SORL1: variants seen among roughly 807,000 people sequenced by gnomAD.
The protein encoded by SORL1 is sortilin-related receptor.
In SORL1, 127 loss-of-function variants were observed where a neutral mutation model predicts 273.7. The observed-to-expected ratio is 0.46, with a 90% confidence interval of 0.40 to 0.54. The LOEUF (loss-of-function observed/expected upper bound fraction) is 0.54. SORL1 is among the 20% of genes least tolerant of loss of function. The probability of loss-of-function intolerance (pLI) is 0.00; values close to 1 mark genes in which losing one functional copy is unlikely to be tolerated. For synonymous variants in SORL1, 1,031 were observed against 1,067.4 expected, an observed-to-expected ratio of 0.97 and a Z score of 0.66; for missense variants, 2,494 against 2,846.1, an observed-to-expected ratio of 0.88 and a Z score of 2.81.
chr11:121,455,311 T>A (rs1273675459), intron 1 of SORL1, among the ~76,000 whole-genome samples: 1 of 152,038 alleles, frequency 6.6e-6, no homozygotes, highest in Non-Finnish European at 1.5e-5. Flanking sequence ...TAAGGGGTGG[T>A]GGGCTCAGAC....
At position 121,487,472 on chromosome 11, in the gene SORL1, A is replaced by G. The variant is rs73593174; in HGVS notation, c.529-560A>G. ...GCCCCAGAGTGAGCCTGCCAGCCACAGTGGCAGCCTGGTCCCCAGAGCTGC... is the reference window on the plus strand; with the variant it reads ...GCCCCAGAGTGAGCCTGCCAGCCACGGTGGCAGCCTGGTCCCCAGAGCTGC... On this transcript the variant is annotated intron_variant, in intron 3 of 47. Coordinates refer to ENST00000260197, the MANE Select transcript of SORL1 (RefSeq NM_003105.6). 6.4e-3 allele frequency among the ~76,000 whole-genome samples: 971 copies of G among 152,344 alleles called. 9 individuals carry two copies. The highest frequency in any genetic ancestry group is 0.022 in the African/African-American group (926 of 41,592).
chr11:121,475,175 G>A (rs898842668), intron 2 of SORL1, among the ~76,000 whole-genome samples: 19 of 152,170 alleles, frequency 1.2e-4, no homozygotes, highest in Non-Finnish European at 2.5e-4. Flanking sequence ...TTGAACCTGG[G>A]AAGATTGCTT....
In SORL1 at chr11:121,595,793, T is replaced by C. The variant is rs1444125053; in HGVS notation, c.4519+21T>C. ...TTGCCGTGAGTAGTCAGAGAGCCCT[T>C]CACCCCCTGGGCACGTTTCTGCAGA... On this transcript the variant is annotated intron_variant, in intron 32 of 47. Transcript: ENST00000260197. The surrounding 1 kb of genome is among the most constrained non-coding windows in gnomAD (Gnocchi z 5.1). 1 of 1,608,380 alleles carries C rather than the reference T, an allele frequency of 6.2e-7. No homozygotes were observed. The highest frequency in any genetic ancestry group is 8.5e-7 in the Non-Finnish European group (1 of 1,179,426).
At chr11:121,584,410 C>T (rs1326552637) in intron 26 of SORL1, among the ~76,000 whole-genome samples, 1 of 152,144 alleles carries the variant, frequency 6.6e-6, no homozygotes. Context: ...TGACATTAAC[C>T]ATTTCTCCAA....
intron 6 of SORL1, among the ~76,000 whole-genome samples, chr11:121,509,547 G>A (rs1861842958): frequency 6.6e-6 from 1 of 152,080 alleles, no homozygotes; most frequent in African/African-American, 2.4e-5. Context: ...CATGATCTCG[G>A]CTCACCGCAA....
chr11:121,591,149 C>T lies in SORL1; in HGVS notation c.4362C>T (p.Pro1454=). Residue 1454 remains proline (P), a synonymous_variant, in exon 31 of 48, where the codon CCC becomes CCT. Coordinates refer to ENST00000260197, the MANE Select transcript of SORL1 (RefSeq NM_003105.6). The part of the protein sequence containing the change: ...CADGSDEEAC[P]LLANVTAAST... The stretch of plus-strand genomic sequence containing the variant: ...ATGGCTCTGACGAGGAAGCCTGCCC[C>T]TTGCTTGGTGAGTTCTGGCCCAGGT... 1 of 1,614,126 alleles carries T rather than the reference C, an allele frequency of 6.2e-7. No individual in the cohort carries two copies. The highest frequency in any genetic ancestry group is 1.1e-5 in the South Asian group (1 of 91,062).
intron 11 of SORL1, 26 bp from the exon 12 acceptor site, chr11:121,532,436 GGT>G: frequency 6.2e-7 from 1 of 1,603,260 alleles, no homozygotes; most frequent in Non-Finnish European, 8.5e-7. Context: ...CCACAGCAGT[GGT>G]GTCACCATGG....
chr11:121,520,938 A>T, intron 9 of SORL1, 89 bp downstream of exon 9: 2 of 831,918 alleles, frequency 2.4e-6, no homozygotes, highest in African/African-American at 1.7e-5. Context: ...ATTTATTGAA[A>T]AAATACAAGA....
intron 24 of SORL1, 39 bp downstream of exon 24, chr11:121,574,402 G>T (rs1386427655): frequency 1.2e-6 from 2 of 1,602,352 alleles, no homozygotes; most frequent in Non-Finnish European, 1.7e-6. Context: ...GCTCTGGAGA[G>T]GGGGGTCATT....
chr11:121,588,813 C>T (rs1792122), intron 28 of SORL1, among the ~76,000 whole-genome samples: 67,057 of 152,032 alleles, frequency 0.44, 18,050 homozygotes, highest in Non-Finnish European at 0.62. Flanking sequence ...GCCTCATAGA[C>T]GGCTGCCTGG....
intron 8 of SORL1, 83 bp downstream of exon 8, chr11:121,514,404 T>C (rs539488772): frequency 3.0e-6 from 4 of 1,350,602 alleles, no homozygotes; most frequent in Non-Finnish European, 4.0e-6. Context: ...TTTTCAACAT[T>C]AGCTGCCCAT....
chr11:121,552,659 C>T (rs1050659395), intron 16 of SORL1, among the ~76,000 whole-genome samples: 2 of 152,072 alleles, frequency 1.3e-5, no homozygotes, highest in Admixed American at 6.5e-5. Context: ...TCTAAAGTGA[C>T]CTGGAACCAA....
chr11:121,503,078 C>T (rs933257476), intron 6 of SORL1, among the ~76,000 whole-genome samples: 1 of 152,096 alleles, frequency 6.6e-6, no homozygotes, highest in African/African-American at 2.4e-5. Flanking sequence ...TCATGTTGCC[C>T]AGGCTGGTCT....
intron 1 of SORL1, among the ~76,000 whole-genome samples, chr11:121,465,859 G>C (rs1258753352): frequency 1.3e-5 from 2 of 152,128 alleles, no homozygotes; most frequent in South Asian, 2.1e-4. Context: ...TGATTCCTGG[G>C]CTCCAGGCAG....
rs757953032 is a variant in SORL1, at chr11:121,522,620, G to C, written c.1439G>C (p.Arg480Pro). The stretch of plus-strand genomic sequence containing the variant: ...GGCTGTTCCCTTCATCTGGCTCAGC[G>C]CCTCAGTCAGCTCCTCAACCTCCAG... ...SQGCSLHLAQ[R>P]LSQLLNLQLR... Residue 480 changes from arginine to proline, a missense_variant, in exon 10 of 48, where the codon CGC becomes CCC. Physicochemically the swap from Arg to Pro is moderately radical, Grantham distance 103. Around this residue, in one of 3 missense-constraint regions of SORL1, gnomAD observed 710 missense variants for 882.5 expected, o/e 0.80. Transcript: ENST00000260197. 1.2e-6 allele frequency: 2 copies of C among 1,614,186 alleles called. No individual in the cohort carries two copies. Among genetic ancestry groups the C allele is most frequent in the Non-Finnish European group, 1.7e-6 (2 of 1,180,008 alleles).
intron 2 of SORL1, among the ~76,000 whole-genome samples, chr11:121,474,830 C>T (rs1036355799): frequency 6.6e-6 from 1 of 152,248 alleles, no homozygotes; most frequent in Non-Finnish European, 1.5e-5. Context: ...GCCACCAATC[C>T]GCTTGAGCTA....
intron 27 of SORL1, among the ~76,000 whole-genome samples, chr11:121,587,609 A>G (rs569910065): frequency 3.9e-5 from 6 of 152,196 alleles, no homozygotes; most frequent in Non-Finnish European, 8.8e-5. Context: ...AGTGCATTCC[A>G]TAATATTAGT....
chr11:121,614,192 A>G (rs910361851), intron 40 of SORL1: 14 of 152,238 alleles, frequency 9.2e-5, no homozygotes, highest in African/African-American at 3.4e-4. Context: ...AAATTGAGAG[A>G]ACAAAAAGAG....
intron 1 of SORL1, among the ~76,000 whole-genome samples, chr11:121,453,476 A>T (rs1288178108): frequency 6.6e-6 from 1 of 151,828 alleles, no homozygotes; most frequent in African/African-American, 2.4e-5. Flanking sequence ...GCCTCATGAG[A>T]CTCCCAGTCC....
Sources: allele counts gnomAD v4.1 joint callset (sites outside exome capture counted in the v4.1 genomes callset), GRCh38; gene constraint gnomAD v4.1.1; regional missense constraint gnomAD v4.1.1; non-coding constraint Gnocchi (gnomAD v3.1); transcripts MANE v1.5; gene names NCBI Gene and HGNC (gene_info 2026-07-23, HGNC 2026-07-21).